The following ZNF728 variants were observed in gnomAD, a reference collection of about 807,000 sequenced individuals.
The protein encoded by ZNF728 is zinc finger protein 728.
ZNF728 carries 12 observed loss-of-function variants against 12.5 expected under a neutral mutation model. The observed-to-expected ratio is 0.96, with a 90% CI of 0.61 to 1.55. ZNF728 has a LOEUF of 1.55. Ranked by LOEUF, ZNF728 falls within the 40% of genes most tolerant of loss-of-function variation. The pLI is 0.00. For missense variants in ZNF728, 692 were observed against 719.2 expected, an observed-to-expected ratio of 0.96 and a Z score of 0.43; for synonymous variants, 205 against 240.7, an observed-to-expected ratio of 0.85 and a Z score of 1.37.
At chr19:22,994,978 T>C (rs1406099947) in intron 1 of ZNF728, 2 of 153,708 alleles carry the variant, frequency 1.3e-5, no homozygotes, top group Non-Finnish European at 2.9e-5. Flanking sequence ...CATCAGACAG[T>C]GAAGCCTGAG....
At chr19:22,978,521 T>G (rs755656822) in intron 3 of ZNF728, among the ~76,000 whole-genome samples, 1 of 152,212 alleles carries the variant, frequency 6.6e-6, no homozygotes, top group Non-Finnish European at 1.5e-5. Context: ...AGGGTCAGAC[T>G]GCCACCTCAA....
intron 3 of ZNF728, among the ~76,000 whole-genome samples, chr19:22,986,890 A>G: frequency 6.6e-6 from 1 of 152,182 alleles, no homozygotes; most frequent in East Asian, 1.9e-4. Context: ...AAAAATGAAC[A>G]AAAAACACCC....
At chr19:23,000,354 G>A (rs1436248091) in intron 1 of ZNF728, among the ~76,000 whole-genome samples, 8 of 150,854 alleles carry the variant, frequency 5.3e-5, no homozygotes, top group Admixed American at 6.6e-5. Flanking sequence ...CTCCAGCCTG[G>A]GTGACAGAGC....
intron 1 of ZNF728, among the ~76,000 whole-genome samples, chr19:22,994,754 G>A (rs113994884): frequency 5.9e-5 from 9 of 152,268 alleles, no homozygotes; most frequent in Non-Finnish European, 2.9e-5. Context: ...TTGTTGATTC[G>A]GGTGCTATCT....
intron 3 of ZNF728, among the ~76,000 whole-genome samples, chr19:22,982,391 A>C (rs57729796): frequency 0.019 from 2,821 of 152,306 alleles, 85 homozygotes; most frequent in African/African-American, 0.064. Context: ...GAAGAACATT[A>C]CATGCTCATG....
intron 3 of ZNF728, among the ~76,000 whole-genome samples, chr19:22,980,203 A>C (rs1406003350): frequency 6.6e-3 from 475 of 71,670 alleles, no homozygotes; most frequent in Non-Finnish European, 9.8e-3. Flanking sequence ...AAAAAGAAAC[A>C]AAAAAAAAAA....
intron 1 of ZNF728, among the ~76,000 whole-genome samples, chr19:22,993,709 A>G (rs1969016904): frequency 1.3e-5 from 2 of 152,200 alleles, no homozygotes; most frequent in East Asian, 3.9e-4. Context: ...TACATTGTTA[A>G]GGTTAAGGAT....
intron 3 of ZNF728, among the ~76,000 whole-genome samples, chr19:22,984,671 T>C (rs1968896835): frequency 1.3e-5 from 2 of 151,706 alleles, no homozygotes; most frequent in Non-Finnish European, 2.9e-5. Flanking sequence ...TATGCAAATG[T>C]TGTAATAGTT....
chr19:23,002,183 C>T (rs1277793160), intron 1 of ZNF728, among the ~76,000 whole-genome samples: 2 of 152,148 alleles, frequency 1.3e-5, no homozygotes, highest in South Asian at 2.1e-4. Flanking sequence ...GGCGTGGTGG[C>T]GCATGCCTGC....
intron 3 of ZNF728, among the ~76,000 whole-genome samples, chr19:22,979,815 A>AT (rs1261625295): frequency 6.6e-6 from 1 of 151,664 alleles, no homozygotes; most frequent in Non-Finnish European, 1.5e-5. Flanking sequence ...AAATGCTGAG[A>AT]TTTTGTCACC....
Position 22,999,699 on chromosome 19 carries a change from G to A in ZNF728, c.3+3329C>T, listed in dbSNP as rs148260300. On this transcript the variant is annotated intron_variant, in intron 1 of 3. Coordinates refer to ENST00000594710, the MANE Select transcript of ZNF728 (RefSeq NM_001267716.2). ...TACATTTTGTACCTCAGTAAGAGAA[G>A]CAAATGTATTTATTTCTTTTGGACA... Among the ~76,000 whole-genome samples, 936 of 152,242 alleles carry A rather than the reference G, an allele frequency of 6.1e-3. 11 individuals are homozygous for A. Among genetic ancestry groups the A allele is most frequent in the African/African-American group, 0.02 (843 of 41,538 alleles).
intron 3 of ZNF728, among the ~76,000 whole-genome samples, chr19:22,984,496 T>G (rs912155302): frequency 6.8e-6 from 1 of 148,034 alleles, no homozygotes; most frequent in Non-Finnish European, 1.5e-5. Context: ...GAGGCAGAGG[T>G]TGCAGTGAGC....
At chr19:22,981,319 G>C (rs1968859576) in intron 3 of ZNF728, among the ~76,000 whole-genome samples, 1 of 152,146 alleles carries the variant, frequency 6.6e-6, no homozygotes. Context: ...ACCCTTCCAA[G>C]TCTAAATCAG....
At chr19:22,989,051 C>CA (rs68080575) in intron 1 of ZNF728, among the ~76,000 whole-genome samples, 1,167 of 49,402 alleles carry the variant, frequency 0.024, 10 homozygotes, top group South Asian at 0.036. Flanking sequence ...AACTCCATCT[C>CA]AAAAAAAAAA....
intron 1 of ZNF728, among the ~76,000 whole-genome samples, chr19:23,000,001 C>G (rs2145356054): frequency 6.6e-6 from 1 of 152,244 alleles, no homozygotes; most frequent in Non-Finnish European, 1.5e-5. Flanking sequence ...AAAAATTTTT[C>G]TTATTTTTTT....
chr19:22,988,240 T>C (rs1968940253), intron 2 of ZNF728, 85 bp downstream of exon 2: 1 of 1,596,744 alleles, frequency 6.3e-7, no homozygotes, highest in Non-Finnish European at 8.5e-7. Flanking sequence ...CCTGCATTCA[T>C]CCTCCTTTGT....
intron 3 of ZNF728, among the ~76,000 whole-genome samples, 174 bp from the exon 4 acceptor site, chr19:22,977,284 T>C (rs563963033): frequency 8.1e-4 from 123 of 152,264 alleles, no homozygotes; most frequent in Middle Eastern, 6.8e-3. Flanking sequence ...AAAATACATA[T>C]GTAGATAATT....
In ZNF728 at chr19:23,003,054, C is replaced by A. The variant is rs115347083; in HGVS notation, c.-24G>T. The stretch of plus-strand genomic sequence containing the variant: ...ATTTCTAGGCTTCCGGGGGTCCTGG[C>A]GACTTAGTTGTGAATCTCCCAATAC... On this transcript the variant is annotated 5_prime_UTR_variant, in exon 1 of 4. Coordinates refer to ENST00000594710, the MANE Select transcript of ZNF728 (RefSeq NM_001267716.2). 1.4e-3 allele frequency: 2,270 copies of A among 1,578,882 alleles called. 13 individuals are homozygous for A. The African/African-American group carries it at 0.016, about 11-fold the overall frequency.
intron 3 of ZNF728, among the ~76,000 whole-genome samples, chr19:22,982,628 T>C (rs73553421): frequency 0.01 from 1,552 of 151,998 alleles, 29 homozygotes; most frequent in African/African-American, 0.036. Context: ...AAGGCTACAG[T>C]AACAAAAACA....
Sources: allele counts gnomAD v4.1 joint callset (sites outside exome capture counted in the v4.1 genomes callset), GRCh38; gene constraint gnomAD v4.1.1; transcripts MANE v1.5; gene names NCBI Gene and HGNC (gene_info 2026-07-23, HGNC 2026-07-21).